Variants in FSTL4 observed in about 807,000 individuals in gnomAD.
FSTL4 encodes the protein follistatin like 4.
In FSTL4, 28 loss-of-function variants were observed where a neutral mutation model predicts 78.2. The observed-to-expected ratio is 0.36, with a 90% CI of 0.27 to 0.49. The LOEUF is 0.49. Ranked by LOEUF, FSTL4 falls within the 20% of genes least tolerant of loss-of-function variation. The pLI, the probability that FSTL4 is intolerant of heterozygous loss-of-function variation, is 0.98. For missense variants in FSTL4, 922 were observed against 1,084.9 expected (o/e 0.85, Z 2.11); for synonymous variants, 422 against 440.5 (o/e 0.96, Z 0.53).
At chr5:133,808,152 TTA>T in the FSTL4 span, among the ~76,000 whole-genome samples, 1 of 152,252 alleles carries the variant, frequency 6.6e-6, no homozygotes, top group African/African-American at 2.4e-5. Context: ...GTCAAATATT[TTA>T]TTTTTCCCCA....
chr5:133,628,361 C>T, the FSTL4 span, among the ~76,000 whole-genome samples: 10 of 137,814 alleles, frequency 7.3e-5, no homozygotes, highest in South Asian at 1.1e-3. Flanking sequence ...CTTTTCTTTT[C>T]TTTTCTTTTT....
chr5:133,599,132 G>A (rs1453953949), intron 2 of FSTL4, among the ~76,000 whole-genome samples: 1 of 152,210 alleles, frequency 6.6e-6, no homozygotes, highest in Non-Finnish European at 1.5e-5. Flanking sequence ...CTAGCGTTAA[G>A]ACAATGAATA....
intron 4 of FSTL4, among the ~76,000 whole-genome samples, chr5:133,382,343 G>A (rs1755593669): frequency 1.3e-5 from 2 of 152,302 alleles, no homozygotes; most frequent in South Asian, 4.1e-4. Context: ...TTTTGCAGTT[G>A]TTTGTTACTG....
At chr5:133,314,932 G>GT (rs1425991058) in intron 5 of FSTL4, among the ~76,000 whole-genome samples, 1 of 152,152 alleles carries the variant, frequency 6.6e-6, no homozygotes, top group Non-Finnish European at 1.5e-5. Context: ...AGAGGCCAAG[G>GT]TGGGCGGATC....
At chr5:133,272,779 G>A (rs1420676809) in intron 6 of FSTL4, among the ~76,000 whole-genome samples, 2 of 152,240 alleles carry the variant, frequency 1.3e-5, no homozygotes, top group Non-Finnish European at 2.9e-5. Context: ...GTGAATGTTT[G>A]TAGGCATTGA....
chr5:133,464,639 A>G (rs1281150535), intron 3 of FSTL4, among the ~76,000 whole-genome samples: 1 of 152,220 alleles, frequency 6.6e-6, no homozygotes, highest in Non-Finnish European at 1.5e-5. Flanking sequence ...GGAGAGGTGC[A>G]GGTCAGCCAT....
intron 6 of FSTL4, among the ~76,000 whole-genome samples, chr5:133,257,317 A>G (rs891464389): frequency 3.3e-5 from 5 of 152,182 alleles, no homozygotes; most frequent in Non-Finnish European, 7.3e-5. Context: ...TGACTCCTGT[A>G]AAGCCTGGTT....
the FSTL4 span, among the ~76,000 whole-genome samples, chr5:133,753,689 G>T: frequency 2.3e-5 from 1 of 43,560 alleles, no homozygotes; most frequent in African/African-American, 6.7e-5. Flanking sequence ...TGTTCTGTGT[G>T]TGTGTGTGTG....
the FSTL4 span, among the ~76,000 whole-genome samples, chr5:133,808,727 C>T: frequency 6.6e-6 from 1 of 152,074 alleles, no homozygotes; most frequent in Non-Finnish European, 1.5e-5. Flanking sequence ...CGGGAACAAG[C>T]CAGCTGGGAT....
intron 2 of FSTL4, among the ~76,000 whole-genome samples, chr5:133,579,811 T>C (rs1760362961): frequency 6.6e-6 from 1 of 152,200 alleles, no homozygotes; most frequent in Non-Finnish European, 1.5e-5. Context: ...TCTGAGTCTA[T>C]TTTTCATTCT....
At chr5:133,608,325 T>C (rs1038990261) in intron 1 of FSTL4, among the ~76,000 whole-genome samples, 3 of 152,232 alleles carry the variant, frequency 2.0e-5, no homozygotes, top group Non-Finnish European at 4.4e-5. Flanking sequence ...TTAACCATCT[T>C]GTTTGGAAGG....
the FSTL4 span, among the ~76,000 whole-genome samples, chr5:133,801,939 T>C: frequency 6.6e-6 from 1 of 152,158 alleles, no homozygotes; most frequent in Non-Finnish European, 1.5e-5. Context: ...CCCTACTCCT[T>C]TCATCTCATC....
At chr5:133,542,443 C>T (rs896864464) in intron 3 of FSTL4, among the ~76,000 whole-genome samples, 9 of 151,976 alleles carry the variant, frequency 5.9e-5, no homozygotes, top group African/African-American at 1.9e-4. Flanking sequence ...ACATTCTTAC[C>T]AGGTTTTGGT....
chr5:133,502,478 T>C (rs1456737336), intron 3 of FSTL4, among the ~76,000 whole-genome samples: 1 of 152,058 alleles, frequency 6.6e-6, no homozygotes, highest in Non-Finnish European at 1.5e-5. Context: ...CCCCACGAAA[T>C]CTCCTGTGGA....
the FSTL4 span, among the ~76,000 whole-genome samples, chr5:133,688,876 G>A: frequency 1.3e-5 from 2 of 152,158 alleles, no homozygotes; most frequent in Non-Finnish European, 2.9e-5. Flanking sequence ...GGAGCCCCAC[G>A]CCAGGCGAAC....
At chr5:133,533,334 C>G (rs947843810) in intron 3 of FSTL4, among the ~76,000 whole-genome samples, 7 of 152,166 alleles carry the variant, frequency 4.6e-5, no homozygotes. Flanking sequence ...GCCTCAAACT[C>G]CCTGGAATCA....
chr5:133,678,612 G>A, the FSTL4 span, among the ~76,000 whole-genome samples: 1 of 152,048 alleles, frequency 6.6e-6, no homozygotes, highest in African/African-American at 2.4e-5. Context: ...TTTTGGACAT[G>A]CTCATTTTGA....
intron 2 of FSTL4, among the ~76,000 whole-genome samples, chr5:133,577,499 T>G (rs2112954222): frequency 6.6e-6 from 1 of 152,198 alleles, no homozygotes; most frequent in Non-Finnish European, 1.5e-5. Flanking sequence ...ACACTAAACC[T>G]TTAGGGGCTT....
At chr5:133,393,524 A>T (rs1755910938) in intron 4 of FSTL4, among the ~76,000 whole-genome samples, 1 of 152,198 alleles carries the variant, frequency 6.6e-6, no homozygotes, top group Non-Finnish European at 1.5e-5. Context: ...GGACAGAGAG[A>T]TCCCTTTGCA....
Sources: gnomAD v4.1 joint callset for allele counts (sites outside exome capture counted in the v4.1 genomes callset) on GRCh38, gnomAD v4.1.1 for gene constraint, MANE v1.5 for transcripts, NCBI Gene and HGNC (gene_info 2026-07-23, HGNC 2026-07-21) for gene names.